Variants in ASIC2 observed in about 807,000 individuals in gnomAD.
ASIC2 encodes the protein acid sensing ion channel subunit 2.
A neutral mutation model predicts 57.3 loss-of-function variants in ASIC2; 25 were observed. The observed-to-expected ratio is 0.44, with a 90% CI of 0.32 to 0.61. The LOEUF is 0.61. Among genes scored for constraint, ASIC2 ranks in the 20% least tolerant of loss-of-function variants. The probability of loss-of-function intolerance (pLI) is 0.06; values close to 1 mark genes in which losing one functional copy is unlikely to be tolerated. For missense variants in ASIC2, 641 were observed against 738.1 expected (o/e 0.87, Z 1.52); for synonymous variants, 319 against 307.5 (o/e 1.04, Z -0.39).
At chr17:33,558,496 C>G (rs149186172) in intron 1 of ASIC2, among the ~76,000 whole-genome samples, 66 of 152,268 alleles carry the variant, frequency 4.3e-4, no homozygotes, top group African/African-American at 1.5e-3. Flanking sequence ...CTTCATAGTA[C>G]TAAAATTTCA....
intron 1 of ASIC2, among the ~76,000 whole-genome samples, chr17:33,723,466 T>C (rs1909447155): frequency 6.6e-6 from 1 of 152,172 alleles, no homozygotes; most frequent in South Asian, 2.1e-4. Flanking sequence ...GAAGCTGGGA[T>C]TACAGGTGTA....
In ASIC2 at chr17:33,508,967, A is replaced by C. The variant is rs181162457; in HGVS notation, c.556-396900T>G. Among the ~76,000 whole-genome samples the C allele has an allele frequency of 4.6e-5, 7 of 152,294 alleles. No individual in the cohort carries two copies. The East Asian group carries it at 1.4e-3, about 29-fold the overall frequency. ...AACCTCCAGAGCTGGAGTTGGTTAC[A>C]ATCTCAATCCTTTACTCACGTTTGG... On this transcript the variant is annotated intron_variant, in intron 1 of 9. Coordinates refer to the ASIC2 transcript ENST00000359872.
In ASIC2 at chr17:33,301,115, C is replaced by T. The variant is rs148506036; in HGVS notation, c.556-189048G>A. Among the ~76,000 whole-genome samples, 372 of 151,884 alleles carry T rather than the reference C, an allele frequency of 2.4e-3. 3 individuals carry two copies. The highest frequency in any genetic ancestry group is 8.5e-3 in the African/African-American group (354 of 41,420). On this transcript the variant is annotated intron_variant, in intron 1 of 9. Coordinates refer to the ASIC2 transcript ENST00000359872. ...GGTGATCTCGACTCACGGCAACCTCCGCCTCCTCAGTTCAGGAGATCCTCA... is the reference window on the plus strand; with the variant it reads ...GGTGATCTCGACTCACGGCAACCTCTGCCTCCTCAGTTCAGGAGATCCTCA...
intron 1 of ASIC2, among the ~76,000 whole-genome samples, chr17:34,132,409 G>C (rs940119541): frequency 5.3e-5 from 8 of 152,210 alleles, no homozygotes; most frequent in South Asian, 2.1e-4. Context: ...GATGGAGTGC[G>C]AGCCGGGTGG....
chr17:33,485,028 A>G (rs891041163), intron 1 of ASIC2, among the ~76,000 whole-genome samples: 1 of 152,226 alleles, frequency 6.6e-6, no homozygotes, highest in Non-Finnish European at 1.5e-5. Context: ...CTTCTACTCT[A>G]CCACAGGCTC....
intron 1 of ASIC2, among the ~76,000 whole-genome samples, chr17:33,265,062 C>G (rs1349541696): frequency 6.6e-6 from 1 of 152,218 alleles, no homozygotes; most frequent in East Asian, 1.9e-4. Flanking sequence ...TGCTGTGTGG[C>G]CTTCACTGAG....
At chr17:33,447,055 G>A (rs1033361764) in intron 1 of ASIC2, among the ~76,000 whole-genome samples, 1 of 152,190 alleles carries the variant, frequency 6.6e-6, no homozygotes, top group Non-Finnish European at 1.5e-5. Context: ...GAGAATAACA[G>A]CTAAACAAAT....
chr17:33,579,387 G>C (rs377299737), intron 1 of ASIC2, among the ~76,000 whole-genome samples: 1 of 151,608 alleles, frequency 6.6e-6, no homozygotes, highest in African/African-American at 2.4e-5. Context: ...CTAACACTCC[G>C]CCTCATTATT....
At chr17:33,461,505 A>T (rs12952607) in intron 1 of ASIC2, among the ~76,000 whole-genome samples, 18,602 of 152,112 alleles carry the variant, frequency 0.12, 1,229 homozygotes, top group South Asian at 0.18. Context: ...TTGCTGTGTG[A>T]TATGGTGGAA....
At chr17:33,478,359 A>G (rs946783901) in intron 1 of ASIC2, among the ~76,000 whole-genome samples, 3 of 152,228 alleles carry the variant, frequency 2.0e-5, no homozygotes, top group Non-Finnish European at 4.4e-5. Flanking sequence ...TTTTCACTTC[A>G]ATGTAACATC....
Position 33,211,536 on chromosome 17 carries a change from G to GAC in ASIC2, c.708+79871_708+79872insGT, listed in dbSNP as rs1907273168. ...GGATAAAGTAAACATCTCTTTAAAT[G>GAC]AAAAAAAAAAAAAAAAATCAAAGTG... On this transcript the variant is annotated intron_variant, in intron 1 of 9. Transcript: ENST00000225823. 3.2e-5 allele frequency among the ~76,000 whole-genome samples: 4 copies of GAC among 126,712 alleles called. No individual in the cohort carries two copies. The Admixed American group carries it at 3.2e-4, about 10-fold the overall frequency. The allele number at this position is 126,712 out of a possible 152,430, so 83.1% of individuals were successfully genotyped here.
chr17:33,493,029 C>CATATTAT (rs1913809666), intron 1 of ASIC2, among the ~76,000 whole-genome samples: 1 of 152,192 alleles, frequency 6.6e-6, no homozygotes, highest in African/African-American at 2.4e-5. Context: ...TCCAAATGAG[C>CATATTAT]AGTTATAGAA....
chr17:33,358,832 C>T (rs1504572), intron 1 of ASIC2, among the ~76,000 whole-genome samples: 125,633 of 152,140 alleles, frequency 0.83, 52,003 homozygotes, highest in South Asian at 0.93. Flanking sequence ...GTATTTTCTT[C>T]CTTTTAACAC....
At chr17:33,796,477 T>C (rs1416592406) in intron 1 of ASIC2, among the ~76,000 whole-genome samples, 3 of 152,212 alleles carry the variant, frequency 2.0e-5, no homozygotes, top group Non-Finnish European at 4.4e-5. Context: ...AAGCTAGTTA[T>C]TATTAGTAGT....
intron 1 of ASIC2, chr17:34,038,003 G>A (rs1907956827): frequency 2.5e-6 from 4 of 1,613,480 alleles, no homozygotes; most frequent in Non-Finnish European, 2.5e-6. Context: ...AAAACACTCT[G>A]GTGGTAAATA....
chr17:34,066,980 G>A (rs1478329192), intron 1 of ASIC2, among the ~76,000 whole-genome samples: 1 of 152,178 alleles, frequency 6.6e-6, no homozygotes, highest in African/African-American at 2.4e-5. Context: ...CTAAAGTGAC[G>A]GCACTACCAA....
intron 1 of ASIC2, among the ~76,000 whole-genome samples, chr17:33,685,712 T>C (rs1163198442): frequency 1.3e-5 from 2 of 152,160 alleles, no homozygotes; most frequent in African/African-American, 4.8e-5. Context: ...ACTGTACCCC[T>C]TCTGGTCATT....
At chr17:33,877,518 T>C (rs749326934) in intron 1 of ASIC2, among the ~76,000 whole-genome samples, 18 of 152,178 alleles carry the variant, frequency 1.2e-4, no homozygotes, top group Non-Finnish European at 2.4e-4. Flanking sequence ...GCCTCGCTCA[T>C]TGCTAGCACA....
At chr17:33,913,239 T>C (rs1316120963) in intron 1 of ASIC2, among the ~76,000 whole-genome samples, 4 of 152,140 alleles carry the variant, frequency 2.6e-5, no homozygotes, top group African/African-American at 9.7e-5. Flanking sequence ...ACTTGATGTG[T>C]AATACATTTT....
Sources: gnomAD v4.1 joint callset for allele counts (sites outside exome capture counted in the v4.1 genomes callset) on GRCh38, gnomAD v4.1.1 for gene constraint, MANE v1.5 for transcripts, NCBI Gene and HGNC (gene_info 2026-07-23, HGNC 2026-07-21) for gene names.